CDC20B: variants seen among roughly 807,000 people sequenced by gnomAD.
CDC20B encodes the protein cell division cycle protein 20 homolog B.
In CDC20B, 58 loss-of-function variants were observed where a neutral mutation model predicts 64.1. The ratio of observed to expected loss-of-function variants is 0.90; its 90% CI spans 0.73 to 1.13. CDC20B has a LOEUF of 1.13. Ranked by LOEUF, CDC20B falls within the 50% of genes most tolerant of loss-of-function variation. The probability of loss-of-function intolerance (pLI) is 0.00; values close to 1 mark genes in which losing one functional copy is unlikely to be tolerated. For synonymous variants in CDC20B, 243 were observed against 230.6 expected, an observed-to-expected ratio of 1.05 and a Z score of -0.49; for missense variants, 597 against 633.0, an observed-to-expected ratio of 0.94 and a Z score of 0.61.
At chr5:55,118,850 T>C (rs979990547) in intron 11 of CDC20B, among the ~76,000 whole-genome samples, 1 of 152,172 alleles carries the variant, frequency 6.6e-6, no homozygotes, top group East Asian at 1.9e-4. Context: ...GCTGTTTCAT[T>C]GTTGCCCACT....
Position 55,146,629 on chromosome 5 carries a change from T to C in CDC20B, c.354A>G (p.Leu118=). 6.2e-7 allele frequency: 1 copy of C among 1,613,142 alleles called. No homozygotes were observed. The highest frequency in any genetic ancestry group is 8.5e-7 in the Non-Finnish European group (1 of 1,179,168). Reference sequence around the variant, plus strand: ...GCTGTGGCGTTTGGGGCACCTCACCTAGAGTCAAGGTCTCTTTCTCAGGCG... The same window carrying C: ...GCTGTGGCGTTTGGGGCACCTCACCCAGAGTCAAGGTCTCTTTCTCAGGCG... ...KTPPEKETLT[L]GSRKEQLKTP... Residue 118 remains leucine (L), a splice_region_variant and synonymous_variant, in exon 3 of 12, where the codon CTA becomes CTG. Transcript: ENST00000381375.
chr5:55,125,060 C>T (rs748626382), intron 8 of CDC20B, 32 bp from the exon 9 acceptor site: 1 of 1,555,378 alleles, frequency 6.4e-7, no homozygotes, highest in Admixed American at 1.7e-5. Context: ...AAATTAAGCC[C>T]TGTTGCTACA....
chr5:55,158,458 T>C (rs1743877399), intron 2 of CDC20B, among the ~76,000 whole-genome samples: 1 of 152,234 alleles, frequency 6.6e-6, no homozygotes, highest in Admixed American at 6.5e-5. Flanking sequence ...CCATTCTTAC[T>C]GAGCCATGAG....
At chr5:55,160,267 A>AGTTACT in intron 2 of CDC20B, 6 of 1,613,874 alleles carry the variant, frequency 3.7e-6, no homozygotes, top group African/African-American at 2.7e-5. Flanking sequence ...TGCTGTCTAT[A>AGTTACT]GTTCTATGCA....
chr5:55,131,775 G>A (rs540956392), intron 6 of CDC20B, among the ~76,000 whole-genome samples: 2 of 152,102 alleles, frequency 1.3e-5, no homozygotes, highest in Admixed American at 6.5e-5. Flanking sequence ...AAAGAAAGAG[G>A]GCTGTGCGTC....
At chr5:55,141,587 G>A (rs554703516) in intron 4 of CDC20B, among the ~76,000 whole-genome samples, 1 of 152,050 alleles carries the variant, frequency 6.6e-6, no homozygotes, top group African/African-American at 2.4e-5. Context: ...ATCCTACCTC[G>A]GCCTATCCTT....
chr5:55,161,877 G>A (rs1744084196), intron 2 of CDC20B, among the ~76,000 whole-genome samples: 1 of 152,082 alleles, frequency 6.6e-6, no homozygotes, highest in Admixed American at 6.6e-5. Flanking sequence ...GACAGCATAG[G>A]CTTTGGCCTC....
rs183920791 is a variant in CDC20B at position 55,146,036 on chromosome 5, A to G, written c.355+592T>C. Among the ~76,000 whole-genome samples the G allele has an allele frequency of 2.0e-3, 302 of 152,314 alleles. 1 individual carries two copies. The highest frequency in any genetic ancestry group is 3.3e-3 in the Non-Finnish European group (227 of 68,032). ...ACATATATACATATACATTCATACA[A>G]TCTTTACAAAAGTAATCATCTAACC... On this transcript the variant is annotated intron_variant, in intron 3 of 11. Transcript: ENST00000381375.
intron 11 of CDC20B, among the ~76,000 whole-genome samples, chr5:55,115,302 C>T (rs1004596450): frequency 7.9e-5 from 12 of 152,202 alleles, no homozygotes; most frequent in African/African-American, 2.7e-4. Context: ...AATGTTCACA[C>T]TAATTTGGAA....
chr5:55,159,724 A>G (rs927724563), intron 2 of CDC20B, among the ~76,000 whole-genome samples: 3 of 152,200 alleles, frequency 2.0e-5, no homozygotes, highest in Admixed American at 2.0e-4. Context: ...TAACCCATAC[A>G]TGTAATAGTA....
At chr5:55,123,491 C>T (rs1374158540) in intron 9 of CDC20B, among the ~76,000 whole-genome samples, 4 of 152,164 alleles carry the variant, frequency 2.6e-5, no homozygotes, top group East Asian at 1.9e-4. Flanking sequence ...AGAGGAATCA[C>T]GCACATGTCA....
At chr5:55,150,633 G>A (rs963006518) in intron 2 of CDC20B, among the ~76,000 whole-genome samples, 1 of 152,210 alleles carries the variant, frequency 6.6e-6, no homozygotes, top group Admixed American at 6.5e-5. Context: ...AAAAGAGGCT[G>A]TACATGTCAA....
chr5:55,172,933 C>T lies in CDC20B; in HGVS notation c.63+5G>A. ...AGGGAGAATGCAGAAAAGGGTGTTA[C>T]TCACCCACAGCATCTCCTCTTCCGT... On this transcript the variant is annotated splice_donor_5th_base_variant and intron_variant, in intron 1 of 11. Transcript: ENST00000381375. 1.9e-6 allele frequency: 3 copies of T among 1,602,646 alleles called. No homozygotes were observed. The highest frequency in any genetic ancestry group is 2.6e-6 in the Non-Finnish European group (3 of 1,173,996).
At chr5:55,135,403 A>AAAG (rs145502791) in intron 5 of CDC20B, among the ~76,000 whole-genome samples, 26,315 of 152,086 alleles carry the variant, frequency 0.17, 2,511 homozygotes, top group South Asian at 0.3. Context: ...GTTTAGGACA[A>AAAG]AAGACGAGGG....
At chr5:55,140,922 A>G (rs1273087823) in intron 4 of CDC20B, among the ~76,000 whole-genome samples, 1 of 152,242 alleles carries the variant, frequency 6.6e-6, no homozygotes, top group Non-Finnish European at 1.5e-5. Flanking sequence ...TGGGAAAATT[A>G]GTAATAAGTG....
At chr5:55,121,829 G>A (rs1388997645) in intron 9 of CDC20B, among the ~76,000 whole-genome samples, 2 of 152,140 alleles carry the variant, frequency 1.3e-5, no homozygotes, top group Admixed American at 1.3e-4. Context: ...TTTTTTCTGT[G>A]TATTTATGTT....
intron 2 of CDC20B, among the ~76,000 whole-genome samples, chr5:55,149,658 A>T (rs1743605157): frequency 6.6e-6 from 1 of 152,238 alleles, no homozygotes; most frequent in Admixed American, 6.5e-5. Flanking sequence ...AGCACAGGAA[A>T]ATCCATAGGC....
intron 2 of CDC20B, among the ~76,000 whole-genome samples, chr5:55,156,833 C>T (rs1743822481): frequency 6.6e-6 from 1 of 152,274 alleles, no homozygotes; most frequent in African/African-American, 2.4e-5. Context: ...GAGGTTGCAC[C>T]ACTGCACTCC....
Position 55,157,532 on chromosome 5 carries a change from C to A in CDC20B, c.127-10676G>T, listed in dbSNP as rs1413541833. Among the ~76,000 whole-genome samples, 6 of 152,182 alleles carry A rather than the reference C, an allele frequency of 3.9e-5. No homozygotes were observed. In the East Asian group the frequency reaches 1.2e-3, roughly 29 times the overall value. On this transcript the variant is annotated intron_variant, in intron 2 of 11. Transcript: ENST00000381375. ...TTAACAAACTGGCTCTGATTTCATC[C>A]TTGACAGGAGATATACACGTAAGTT...
Sources: allele counts gnomAD v4.1 joint callset (sites outside exome capture counted in the v4.1 genomes callset), GRCh38; gene constraint gnomAD v4.1.1; transcripts MANE v1.5; gene names NCBI Gene and HGNC (gene_info 2026-07-23, HGNC 2026-07-21).